Variants in PDE8A observed in about 807,000 individuals in gnomAD.
PDE8A encodes high affinity cAMP-specific and IBMX-insensitive 3',5'-cyclic phosphodiesterase 8A.
PDE8A carries 59 observed loss-of-function variants against 105.0 expected under a neutral mutation model. The ratio of observed to expected loss-of-function variants is 0.56; its 90% CI spans 0.46 to 0.70. The LOEUF (loss-of-function observed/expected upper bound fraction) is 0.70. Ranked by LOEUF, PDE8A falls within the 30% of genes least tolerant of loss-of-function variation. The pLI is 0.00. For synonymous variants in PDE8A, 355 were observed against 371.9 expected (o/e 0.95, Z 0.52); for missense variants, 1,014 against 1,045.9 (o/e 0.97, Z 0.42).
chr15:85,077,615 T>C (rs1362703524), intron 5 of PDE8A, among the ~76,000 whole-genome samples: 1 of 152,106 alleles, frequency 6.6e-6, no homozygotes, highest in African/African-American at 2.4e-5. Flanking sequence ...CAGTCAAAGC[T>C]GGAGTCAATC....
chr15:85,019,491 C>T (rs1010609250), intron 1 of PDE8A, among the ~76,000 whole-genome samples: 10 of 152,216 alleles, frequency 6.6e-5, no homozygotes, highest in African/African-American at 1.7e-4. Context: ...TGGGCTCAAA[C>T]GATCCACGTA....
chr15:85,080,745 T>C (rs1267569887), intron 5 of PDE8A, among the ~76,000 whole-genome samples: 3 of 152,210 alleles, frequency 2.0e-5, no homozygotes, highest in African/African-American at 7.2e-5. Flanking sequence ...ATCATGGAGC[T>C]AACTTGAAAA....
At chr15:85,017,254 C>T (rs1397307139) in intron 1 of PDE8A, among the ~76,000 whole-genome samples, 5 of 119,986 alleles carry the variant, frequency 4.2e-5, no homozygotes, top group Admixed American at 8.7e-5. Flanking sequence ...GGCGACAGAG[C>T]GAGACTCCAA....
chr15:85,110,846 T>A (rs148271633), intron 12 of PDE8A, among the ~76,000 whole-genome samples: 29 of 152,326 alleles, frequency 1.9e-4, no homozygotes, highest in African/African-American at 7.0e-4. Context: ...TATTCTCCAA[T>A]AATAGCTCCA....
intron 20 of PDE8A, among the ~76,000 whole-genome samples, chr15:85,131,860 A>G (rs1422948458): frequency 1.3e-5 from 2 of 152,202 alleles, no homozygotes; most frequent in East Asian, 3.8e-4. Context: ...GTTTGCCTGA[A>G]TCAGAATTTT....
At position 85,098,163 on chromosome 15, in the gene PDE8A, C is replaced by T. The variant is rs1596516696; in HGVS notation, c.941+127C>T. ...AGGTCAGGTGTCATCACAGAATGGC[C>T]TTCCAGCATAGTGTTTTCTTGGTGA... On this transcript the variant is annotated intron_variant, in intron 9 of 21. Coordinates refer to ENST00000394553, the MANE Select transcript of PDE8A (RefSeq NM_002605.3). 10 of 673,094 alleles carry T rather than the reference C, an allele frequency of 1.5e-5. No individual in the cohort carries two copies. The East Asian group carries it at 2.8e-4, about 19-fold the overall frequency. 41.7% of individuals were successfully genotyped at this position (673,094 alleles called of 1,614,324 possible).
intron 11 of PDE8A, among the ~76,000 whole-genome samples, chr15:85,106,263 A>T (rs557995402): frequency 2.7e-4 from 41 of 151,536 alleles, no homozygotes; most frequent in Non-Finnish European, 5.0e-4. Context: ...GACTCCATCC[A>T]TCTCCTTTCT....
intron 1 of PDE8A, among the ~76,000 whole-genome samples, chr15:84,988,403 A>G (rs190179348): frequency 1.3e-3 from 198 of 152,316 alleles, no homozygotes; most frequent in African/African-American, 4.5e-3. Flanking sequence ...TTACAGCTCT[A>G]CCTTAGGTTC....
chr15:85,005,509 C>G (rs1266237542), intron 1 of PDE8A, among the ~76,000 whole-genome samples: 1 of 152,108 alleles, frequency 6.6e-6, no homozygotes, highest in African/African-American at 2.4e-5. Flanking sequence ...TATAGCACCT[C>G]CGTCTTGAAA....
intron 20 of PDE8A, among the ~76,000 whole-genome samples, chr15:85,131,183 G>A (rs2082325658): frequency 1.3e-5 from 2 of 152,198 alleles, no homozygotes; most frequent in Non-Finnish European, 2.9e-5. Flanking sequence ...TGTCTTGAGA[G>A]CTAAAGTGAT....
intron 17 of PDE8A, among the ~76,000 whole-genome samples, chr15:85,118,133 C>A (rs112620002): frequency 6.6e-6 from 1 of 152,178 alleles, no homozygotes; most frequent in Non-Finnish European, 1.5e-5. Context: ...TCACTCCAAG[C>A]CTGTACACTA....
intron 1 of PDE8A, among the ~76,000 whole-genome samples, chr15:84,997,926 G>A (rs1004691698): frequency 2.0e-5 from 3 of 152,114 alleles, no homozygotes; most frequent in African/African-American, 7.2e-5. Flanking sequence ...GGTTTAAGAT[G>A]GGTACAATTT....
chr15:85,034,304 G>A (rs546189575), intron 1 of PDE8A, among the ~76,000 whole-genome samples: 1 of 152,254 alleles, frequency 6.6e-6, no homozygotes, highest in Admixed American at 6.5e-5. Context: ...ATATTCTCGT[G>A]AACGCTTCTT....
At chr15:84,991,988 C>G (rs1168774273) in intron 1 of PDE8A, among the ~76,000 whole-genome samples, 1 of 151,150 alleles carries the variant, frequency 6.6e-6, no homozygotes, top group African/African-American at 2.4e-5. Flanking sequence ...TCTCTAACAA[C>G]AAAAAAAAGA....
chr15:85,035,384 A>G (rs2080688587), intron 1 of PDE8A, among the ~76,000 whole-genome samples: 1 of 151,414 alleles, frequency 6.6e-6, no homozygotes, highest in Admixed American at 6.6e-5. Flanking sequence ...AATTTTTTGT[A>G]TTTTTAGTAG....
rs568822636 is a variant in PDE8A at position 85,093,109 on chromosome 15, T to G, written c.852+1928T>G. ...TTGTAGAGACGGGTTCTCTGTATGT[T>G]GTCCAGGTTGGTCTCGAACTCCTGG... On this transcript the variant is annotated intron_variant, in intron 8 of 21. Transcript: ENST00000394553. Among the ~76,000 whole-genome samples the G allele has an allele frequency of 2.2e-4, 33 of 152,278 alleles. 1 individual carries two copies. The highest frequency in any genetic ancestry group is 7.5e-4 in the African/African-American group (31 of 41,544).
intron 1 of PDE8A, among the ~76,000 whole-genome samples, chr15:84,985,667 G>A (rs1404229546): frequency 1.3e-5 from 2 of 152,132 alleles, no homozygotes; most frequent in Admixed American, 1.3e-4. Context: ...TGTTTGTTTT[G>A]TTCACTGCTG....
intron 1 of PDE8A, among the ~76,000 whole-genome samples, chr15:84,993,240 A>G (rs8029936): frequency 0.24 from 36,249 of 151,334 alleles, 6,128 homozygotes; most frequent in African/African-American, 0.48. Context: ...TCAGGAGATC[A>G]AGACCATCCT....
chr15:85,079,738 C>A (rs1416063518), intron 5 of PDE8A, among the ~76,000 whole-genome samples: 2 of 152,292 alleles, frequency 1.3e-5, no homozygotes, highest in African/African-American at 4.8e-5. Flanking sequence ...CATGGCGAAA[C>A]CCCGTCTCTA....
Sources: gnomAD v4.1 joint callset for allele counts (sites outside exome capture counted in the v4.1 genomes callset) on GRCh38, gnomAD v4.1.1 for gene constraint, MANE v1.5 for transcripts, NCBI Gene and HGNC (gene_info 2026-07-23, HGNC 2026-07-21) for gene names.